The following SUPT3H variants were observed in gnomAD, a reference collection of about 807,000 sequenced individuals.
SUPT3H encodes the protein SPT3 homolog, SAGA and STAGA complex component, also known as transcription initiation protein SPT3 homolog.
In SUPT3H, 44 loss-of-function variants were observed where a neutral mutation model predicts 44.3. The observed-to-expected ratio is 0.99, with a 90% confidence interval of 0.78 to 1.28. The LOEUF (loss-of-function observed/expected upper bound fraction) is 1.28. Among genes scored for constraint, SUPT3H ranks in the 50% most tolerant of loss-of-function variants. SUPT3H has a pLI of 0.00. For missense variants in SUPT3H, 380 were observed against 387.1 expected, an observed-to-expected ratio of 0.98 and a Z score of 0.15; for synonymous variants, 124 against 125.6, an observed-to-expected ratio of 0.99 and a Z score of 0.09.
intron 2 of SUPT3H, among the ~76,000 whole-genome samples, chr6:45,172,489 T>C (rs1274727248): frequency 2.0e-5 from 3 of 152,102 alleles, no homozygotes; most frequent in African/African-American, 4.8e-5. Context: ...GCTTGATTTA[T>C]GATTAAATAG....
At chr6:44,922,310 C>T (rs1330144429) in intron 10 of SUPT3H, among the ~76,000 whole-genome samples, 2 of 152,148 alleles carry the variant, frequency 1.3e-5, no homozygotes, top group African/African-American at 4.8e-5. Context: ...ATGTTGGGCA[C>T]AATAAGAGTA....
intron 10 of SUPT3H, among the ~76,000 whole-genome samples, chr6:44,863,011 T>C (rs1774916737): frequency 6.6e-6 from 1 of 152,154 alleles, no homozygotes; most frequent in African/African-American, 2.4e-5. Context: ...ATCTGCTTGT[T>C]AGGAAGCAAG....
intron 2 of SUPT3H, among the ~76,000 whole-genome samples, chr6:45,235,945 T>C (rs1328733406): frequency 6.6e-6 from 1 of 152,312 alleles, no homozygotes; most frequent in Non-Finnish European, 1.5e-5. Context: ...GAGCGATCTG[T>C]GCCTTAAGGA....
chr6:45,034,006 T>C (rs544386395), intron 3 of SUPT3H, among the ~76,000 whole-genome samples: 1 of 152,232 alleles, frequency 6.6e-6, no homozygotes, highest in East Asian at 1.9e-4. Flanking sequence ...TGAATATATG[T>C]ATATTAGTCA....
intron 10 of SUPT3H, among the ~76,000 whole-genome samples, chr6:44,915,797 T>C (rs1329097937): frequency 6.6e-6 from 1 of 152,102 alleles, no homozygotes; most frequent in Non-Finnish European, 1.5e-5. Flanking sequence ...CCCTCCCCAC[T>C]TCAAGGTGTC....
intron 3 of SUPT3H, among the ~76,000 whole-genome samples, chr6:45,023,427 G>T (rs939555485): frequency 6.6e-6 from 1 of 152,084 alleles, no homozygotes; most frequent in Non-Finnish European, 1.5e-5. Flanking sequence ...CTATTACTGG[G>T]TATATACCCC....
At position 44,829,452 on chromosome 6, in the gene SUPT3H, A is replaced by AAAT. The variant is rs538642781; in HGVS notation, c.*361_*363dup. The AAAT allele has an allele frequency of 2.2e-4, 37 of 168,228 alleles. No homozygotes were observed. In the Admixed American group the frequency reaches 2.2e-3, roughly 10 times the overall value. The allele number at this position is 168,228 out of a possible 1,614,324, so 10.4% of individuals were successfully genotyped here. A position where few individuals can be genotyped will look rare whatever the true frequency, so the allele number is the denominator to read the frequency against. On this transcript the variant is annotated 3_prime_UTR_variant, in exon 11 of 11. Coordinates refer to ENST00000371459, the MANE Select transcript of SUPT3H (RefSeq NM_003599.4). ...TTCCTTGTTCCAAACCTGGATTATA[A>AAAT]AATATATCAAATAAAATGCAGACAA...
At chr6:44,866,422 C>A (rs138860575) in intron 10 of SUPT3H, among the ~76,000 whole-genome samples, 39 of 151,900 alleles carry the variant, frequency 2.6e-4, no homozygotes, top group African/African-American at 9.2e-4. Flanking sequence ...AATTTGAGGA[C>A]AGCCTAGGTA....
intron 2 of SUPT3H, among the ~76,000 whole-genome samples, chr6:45,214,201 GA>G (rs900624568): frequency 6.6e-5 from 10 of 151,712 alleles, no homozygotes; most frequent in Admixed American, 2.6e-4. Flanking sequence ...AACACCTTAT[GA>G]AAAAAATTTA....
chr6:45,158,399 C>T (rs1048910012), intron 2 of SUPT3H, among the ~76,000 whole-genome samples: 18 of 141,944 alleles, frequency 1.3e-4, no homozygotes, highest in African/African-American at 4.5e-4. Context: ...GGGTAATGTT[C>T]AACTTGATAA....
intron 2 of SUPT3H, among the ~76,000 whole-genome samples, chr6:45,266,546 A>C (rs983620368): frequency 6.6e-6 from 1 of 151,924 alleles, no homozygotes; most frequent in Non-Finnish European, 1.5e-5. Flanking sequence ...AGTATATTTA[A>C]ATTAACATTT....
At chr6:44,948,750 G>T (rs1773766148) in intron 9 of SUPT3H, among the ~76,000 whole-genome samples, 1 of 152,032 alleles carries the variant, frequency 6.6e-6, no homozygotes, top group African/African-American at 2.4e-5. Context: ...AACAGGTGCT[G>T]GAGAGGATGT....
intron 2 of SUPT3H, among the ~76,000 whole-genome samples, chr6:45,324,657 G>C (rs1198576151): frequency 6.6e-6 from 1 of 151,746 alleles, no homozygotes; most frequent in African/African-American, 2.4e-5. Context: ...GAAGGCAGGA[G>C]AGATTGACTT....
At chr6:45,342,201 C>A (rs1344699577) in intron 2 of SUPT3H, among the ~76,000 whole-genome samples, 1 of 151,944 alleles carries the variant, frequency 6.6e-6, no homozygotes, top group African/African-American at 2.4e-5. Flanking sequence ...AGAATGAGTT[C>A]TCTTTGTCAC....
Position 45,113,827 on chromosome 6 carries a change from C to CAAAAAAAAA in SUPT3H, c.102-7830_102-7822dup, listed in dbSNP as rs374606230. On this transcript the variant is annotated intron_variant, in intron 2 of 10. Coordinates refer to ENST00000371459, the MANE Select transcript of SUPT3H (RefSeq NM_003599.4). ...CCTGGGCGACAGAGCAAGACTCCAT[C>CAAAAAAAAA]AAAAAAAAAAAAAAAAAAAATCAAA... is the stretch of plus-strand genomic sequence containing the variant. Among the ~76,000 whole-genome samples the CAAAAAAAAA allele has an allele frequency of 3.9e-4, 44 of 112,752 alleles. 1 individual carries two copies. The highest frequency in any genetic ancestry group is 1.4e-3 in the African/African-American group (40 of 29,190). The allele number at this position is 112,752 out of a possible 152,430, so 74.0% of individuals were successfully genotyped here. A position where few individuals can be genotyped will look rare whatever the true frequency, so the allele number is the denominator to read the frequency against.
At chr6:44,852,236 T>A (rs1773016547) in intron 10 of SUPT3H, among the ~76,000 whole-genome samples, 1 of 152,172 alleles carries the variant, frequency 6.6e-6, no homozygotes. Flanking sequence ...GTGGCACTAG[T>A]CACCTTTTCC....
At chr6:45,078,971 A>G (rs1795384160) in intron 3 of SUPT3H, among the ~76,000 whole-genome samples, 1 of 152,134 alleles carries the variant, frequency 6.6e-6, no homozygotes, top group East Asian at 1.9e-4. Flanking sequence ...CTTGATCTCA[A>G]TGTCCACATC....
intron 3 of SUPT3H, among the ~76,000 whole-genome samples, chr6:45,024,428 T>G (rs1401876757): frequency 6.6e-6 from 1 of 152,140 alleles, no homozygotes; most frequent in Non-Finnish European, 1.5e-5. Context: ...TTCCACCATA[T>G]TTGTTCTACT....
At chr6:45,338,584 G>A (rs1278328525) in intron 2 of SUPT3H, among the ~76,000 whole-genome samples, 1 of 151,986 alleles carries the variant, frequency 6.6e-6, no homozygotes, top group Non-Finnish European at 1.5e-5. Context: ...CTGCTGAACT[G>A]GAATTTAGGA....
Sources: gnomAD v4.1 joint callset for allele counts (sites outside exome capture counted in the v4.1 genomes callset) on GRCh38, gnomAD v4.1.1 for gene constraint, MANE v1.5 for transcripts, NCBI Gene and HGNC (gene_info 2026-07-23, HGNC 2026-07-21) for gene names.